THSD4: variants seen among roughly 807,000 people sequenced by gnomAD.
THSD4 encodes thrombospondin type-1 domain-containing protein 4.
A neutral mutation model predicts 119.0 loss-of-function variants in THSD4; 69 were observed. That is an observed-to-expected ratio of 0.58 (90% CI 0.48 to 0.71). The LOEUF (loss-of-function observed/expected upper bound fraction) is 0.71. Ranked by LOEUF, THSD4 falls within the 30% of genes least tolerant of loss-of-function variation. The probability of loss-of-function intolerance (pLI) is 0.00; values close to 1 mark genes in which losing one functional copy is unlikely to be tolerated. For synonymous variants in THSD4, 524 were observed against 540.4 expected, an observed-to-expected ratio of 0.97 and a Z score of 0.42; for missense variants, 1,393 against 1,391.1, an observed-to-expected ratio of 1.00 and a Z score of -0.02.
intron 4 of THSD4, among the ~76,000 whole-genome samples, chr15:71,235,506 T>G (rs2044096108): frequency 6.6e-6 from 1 of 152,090 alleles, no homozygotes. Context: ...CCTTCTCATC[T>G]TCCCTATGGA....
At chr15:71,132,389 A>G (rs2040511619) in intron 1 of THSD4, among the ~76,000 whole-genome samples, 1 of 152,196 alleles carries the variant, frequency 6.6e-6, no homozygotes. Context: ...TACTAATGAG[A>G]TGCTTATGAG....
intron 8 of THSD4, among the ~76,000 whole-genome samples, chr15:71,683,457 G>A (rs889385649): frequency 1.2e-4 from 19 of 152,088 alleles, no homozygotes; most frequent in African/African-American, 4.3e-4. Flanking sequence ...AAATTCTACC[G>A]GGGAAACTGG....
At chr15:71,597,629 A>C (rs1174479685) in intron 7 of THSD4, among the ~76,000 whole-genome samples, 1 of 152,160 alleles carries the variant, frequency 6.6e-6, no homozygotes. Context: ...CAGGAGGAGA[A>C]GACTCCTGGT....
intron 4 of THSD4, among the ~76,000 whole-genome samples, chr15:71,218,523 A>G (rs534781589): frequency 1.2e-4 from 19 of 152,248 alleles, no homozygotes; most frequent in Admixed American, 3.3e-4. Context: ...GGGGCCAGTT[A>G]AACTGTTTAC....
At chr15:71,343,862 A>G (rs1314531254) in intron 6 of THSD4, among the ~76,000 whole-genome samples, 1 of 151,226 alleles carries the variant, frequency 6.6e-6, no homozygotes, top group Non-Finnish European at 1.5e-5. Flanking sequence ...ACAGGCATGC[A>G]CCACCACACC....
chr15:71,370,351 C>G (rs1234285576), intron 6 of THSD4, among the ~76,000 whole-genome samples: 1 of 152,116 alleles, frequency 6.6e-6, no homozygotes, highest in South Asian at 2.1e-4. Context: ...TCTTGCTTCT[C>G]TAGTTCTTTT....
chr15:71,435,999 C>T lies in THSD4; in HGVS notation c.1152+24176C>T, dbSNP rs2047007555. Among the ~76,000 whole-genome samples, 6 of 152,310 alleles carry T rather than the reference C, an allele frequency of 3.9e-5. No individual in the cohort carries two copies. In the South Asian group the frequency reaches 1.2e-3, roughly 32 times the overall value. The stretch of plus-strand genomic sequence containing the variant: ...CTTTTAGACTAGCTACTGGACGTGA[C>T]CTGAAAATCACACCCCCAGAGGCAG... On this transcript the variant is annotated intron_variant, in intron 7 of 17. Transcript: ENST00000261862.
intron 7 of THSD4, among the ~76,000 whole-genome samples, chr15:71,574,123 A>G (rs1025776572): frequency 6.6e-6 from 1 of 152,288 alleles, no homozygotes; most frequent in South Asian, 2.1e-4. Flanking sequence ...GTCAGTGAAT[A>G]TTTGCTGACT....
At chr15:71,431,546 G>T (rs1222868490) in intron 7 of THSD4, among the ~76,000 whole-genome samples, 1 of 152,146 alleles carries the variant, frequency 6.6e-6, no homozygotes, top group Non-Finnish European at 1.5e-5. Context: ...AATCGACAAG[G>T]TGTTCTGTGA....
chr15:71,626,389 C>T (rs372743543), intron 7 of THSD4, among the ~76,000 whole-genome samples: 6 of 152,100 alleles, frequency 3.9e-5, no homozygotes, highest in Admixed American at 1.3e-4. Context: ...TGTCTTCTTC[C>T]AGACCCTCAG....
intron 6 of THSD4, among the ~76,000 whole-genome samples, chr15:71,338,844 G>A (rs1410098796): frequency 6.6e-6 from 1 of 152,170 alleles, no homozygotes; most frequent in African/African-American, 2.4e-5. Context: ...GAAATCTCCA[G>A]TTTAATGTAG....
At chr15:71,699,640 G>A (rs7164871) in intron 8 of THSD4, among the ~76,000 whole-genome samples, 145,807 of 152,246 alleles carry the variant, frequency 0.96, 70,142 homozygotes, top group East Asian at 1. Context: ...TCCATGCCTG[G>A]AAGTGCCAAG....
chr15:71,613,574 C>T (rs547104700), intron 7 of THSD4, among the ~76,000 whole-genome samples: 28 of 152,234 alleles, frequency 1.8e-4, no homozygotes, highest in African/African-American at 6.5e-4. Context: ...TATCTAGACC[C>T]TCTCATTTTC....
At chr15:71,686,348 T>C (rs1332185877) in intron 8 of THSD4, among the ~76,000 whole-genome samples, 3 of 152,230 alleles carry the variant, frequency 2.0e-5, no homozygotes, top group African/African-American at 7.2e-5. Context: ...GAGTGTAGTC[T>C]GCATGATTTT....
intron 7 of THSD4, among the ~76,000 whole-genome samples, chr15:71,652,296 A>G (rs1995331): frequency 0.11 from 16,133 of 152,216 alleles, 918 homozygotes; most frequent in East Asian, 0.2. Flanking sequence ...CTAAAAAATT[A>G]CAATAAAATC....
chr15:71,496,091 TTTC>T lies in THSD4; in HGVS notation c.1152+84271_1152+84273del, dbSNP rs527965580. Reference sequence around the variant, plus strand: ...GATTTAGCTAAATACCATCCTTTGGTTTCTTAAGTTACAGATCAGTTTGGAACG... The same window carrying T: ...GATTTAGCTAAATACCATCCTTTGGTTTAAGTTACAGATCAGTTTGGAACG... On this transcript the variant is annotated intron_variant, in intron 7 of 17. Transcript: ENST00000261862. 3.3e-3 allele frequency among the ~76,000 whole-genome samples: 505 copies of T among 152,332 alleles called. 1 individual carries two copies. The highest frequency in any genetic ancestry group is 5.3e-3 in the Non-Finnish European group (358 of 68,024).
At position 71,263,155 on chromosome 15, in the gene THSD4, T is replaced by C. The variant is rs145433777; in HGVS notation, c.1015+6440T>C. ...TCTGATAGGCTCCAGTGTGTGTTGT[T>C]CCCCTGTCTGTGTCCATGTGTTCTC... On this transcript the variant is annotated intron_variant, in intron 6 of 17. Coordinates refer to ENST00000261862, the MANE Select transcript of THSD4 (RefSeq NM_024817.3). Among the ~76,000 whole-genome samples, 731 of 152,040 alleles carry C rather than the reference T, an allele frequency of 4.8e-3. 2 individuals are homozygous for C. Among genetic ancestry groups the C allele is most frequent in the African/African-American group, 0.016 (675 of 41,488 alleles).
intron 6 of THSD4, among the ~76,000 whole-genome samples, chr15:71,360,676 C>T (rs894853027): frequency 2.0e-5 from 3 of 152,160 alleles, no homozygotes; most frequent in African/African-American, 7.2e-5. Flanking sequence ...CCTTTTTCAT[C>T]CACAGTTCAT....
intron 7 of THSD4, among the ~76,000 whole-genome samples, chr15:71,564,200 G>A (rs928693999): frequency 6.6e-6 from 1 of 152,146 alleles, no homozygotes; most frequent in African/African-American, 2.4e-5. Context: ...CTATGCTTAT[G>A]TTGGGCATTA....
Sources: allele counts gnomAD v4.1 joint callset (sites outside exome capture counted in the v4.1 genomes callset), GRCh38; gene constraint gnomAD v4.1.1; transcripts MANE v1.5; gene names NCBI Gene and HGNC (gene_info 2026-07-23, HGNC 2026-07-21).